The following TIMD4 variants were observed in gnomAD, a reference collection of about 807,000 sequenced individuals.
The protein encoded by TIMD4 is T cell immunoglobulin and mucin domain containing 4, also known as T-cell immunoglobulin and mucin domain-containing protein 4.
Under a neutral mutation model 41.2 loss-of-function variants are expected in TIMD4, and 31 were observed. The observed-to-expected ratio is 0.75, with a 90% CI of 0.57 to 1.01. TIMD4 has a LOEUF of 1.01. Ranked by LOEUF, TIMD4 falls within the 50% of genes least tolerant of loss-of-function variation. The pLI is 0.00. For synonymous variants in TIMD4, 204 were observed against 177.1 expected (o/e 1.15, Z -1.21); for missense variants, 479 against 472.5 (o/e 1.01, Z -0.13).
chr5:156,929,968 A>ATTAT (rs1183761800), intron 5 of TIMD4, among the ~76,000 whole-genome samples: 1 of 152,084 alleles, frequency 6.6e-6, no homozygotes, highest in Non-Finnish European at 1.5e-5. Flanking sequence ...TCCATTGAAC[A>ATTAT]TTATTTATTT....
intron 5 of TIMD4, among the ~76,000 whole-genome samples, chr5:156,937,760 G>A (rs112444428): frequency 6.6e-6 from 1 of 152,058 alleles, no homozygotes; most frequent in Admixed American, 6.6e-5. Context: ...TTGTACAGTT[G>A]GTAGACTAGA....
chr5:156,922,686 T>G (rs1455377310), intron 6 of TIMD4, among the ~76,000 whole-genome samples: 2 of 152,284 alleles, frequency 1.3e-5, no homozygotes, highest in Non-Finnish European at 2.9e-5. Flanking sequence ...TTTGCCATTT[T>G]CACTATCATT....
chr5:156,921,985 C>T, intron 7 of TIMD4, 114 bp downstream of exon 7: 1 of 746,684 alleles, frequency 1.3e-6, no homozygotes, highest in Non-Finnish European at 2.1e-6. Context: ...GGAACAATGG[C>T]AGAACTGAGC....
At chr5:156,947,683 C>T (rs111514851) in intron 5 of TIMD4, among the ~76,000 whole-genome samples, 1,658 of 152,220 alleles carry the variant, frequency 0.011, 10 homozygotes, top group African/African-American at 0.016. Flanking sequence ...CAGAATGCTG[C>T]ATATAGCATG....
chr5:156,961,271 C>T (rs767807927), intron 1 of TIMD4, among the ~76,000 whole-genome samples: 7 of 152,162 alleles, frequency 4.6e-5, no homozygotes, highest in East Asian at 1.9e-4. Context: ...AACTCTCGTA[C>T]GCTGTTGGTG....
intron 5 of TIMD4, among the ~76,000 whole-genome samples, chr5:156,938,311 C>T (rs949939919): frequency 1.3e-5 from 2 of 152,158 alleles, no homozygotes; most frequent in African/African-American, 4.8e-5. Flanking sequence ...GGGACCAGGG[C>T]TGTGGCTTCA....
At chr5:156,957,706 C>G (rs1029700974) in intron 1 of TIMD4, among the ~76,000 whole-genome samples, 24 of 151,116 alleles carry the variant, frequency 1.6e-4, no homozygotes, top group Admixed American at 1.4e-3. Context: ...CACATGCCTA[C>G]AGTCCCAGCT....
chr5:156,929,723 A>G lies in TIMD4; in HGVS notation c.845-3411T>C, dbSNP rs190540291. Among the ~76,000 whole-genome samples the G allele has an allele frequency of 2.0e-4, 30 of 152,294 alleles. No homozygotes were observed. The East Asian group carries it at 5.8e-3, about 29-fold the overall frequency. ...GACTTCTGCCCTCCAGAACTGAGAG[A>G]GAATGAAAATTTCCGTGGTTTTAAG... On this transcript the variant is annotated intron_variant, in intron 5 of 8. Transcript: ENST00000274532.
intron 5 of TIMD4, among the ~76,000 whole-genome samples, chr5:156,940,157 C>T (rs879427403): frequency 1.6e-4 from 24 of 152,356 alleles, no homozygotes; most frequent in African/African-American, 4.8e-4. Flanking sequence ...GGGGTTTCGC[C>T]CTGTTGGCCG....
chr5:156,937,330 T>C (rs1759559032), intron 5 of TIMD4, among the ~76,000 whole-genome samples: 1 of 152,188 alleles, frequency 6.6e-6, no homozygotes, highest in Non-Finnish European at 1.5e-5. Flanking sequence ...TGGTAGATCT[T>C]ACCAAAGGGC....
At chr5:156,960,126 G>C (rs6878680) in intron 1 of TIMD4, among the ~76,000 whole-genome samples, 86,683 of 151,698 alleles carry the variant, frequency 0.57, 26,352 homozygotes, top group East Asian at 0.8. Context: ...ACAAAAAACA[G>C]CTCACCAGGT....
intron 5 of TIMD4, among the ~76,000 whole-genome samples, chr5:156,946,467 C>A (rs1055018862): frequency 6.6e-6 from 1 of 152,030 alleles, no homozygotes. Context: ...TTTCCTCCAA[C>A]TCTGAGCTTT....
At chr5:156,925,316 T>A (rs1349730035) in intron 6 of TIMD4, among the ~76,000 whole-genome samples, 1 of 151,942 alleles carries the variant, frequency 6.6e-6, no homozygotes, top group Non-Finnish European at 1.5e-5. Context: ...TCAAAAAAAA[T>A]TGAGAACTGC....
At chr5:156,920,715 C>T (rs1759221965) in intron 7 of TIMD4, among the ~76,000 whole-genome samples, 3 of 152,232 alleles carry the variant, frequency 2.0e-5, no homozygotes, top group Non-Finnish European at 4.4e-5. Flanking sequence ...CCAAGTTGTT[C>T]CAACATTCTG....
intron 8 of TIMD4, 114 bp downstream of exon 8, chr5:156,920,350 A>G: frequency 3.4e-6 from 4 of 1,183,414 alleles, no homozygotes; most frequent in Non-Finnish European, 5.0e-6. Context: ...ACATCTTTCC[A>G]ACTCTATGTG....
At chr5:156,957,504 G>C (rs2862059) in intron 1 of TIMD4, among the ~76,000 whole-genome samples, 92,867 of 132,722 alleles carry the variant, frequency 0.7, 32,850 homozygotes, top group East Asian at 0.85. Context: ...CAGAGCGAGA[G>C]TCTATCTCAA....
At chr5:156,945,875 G>A (rs140090940) in intron 5 of TIMD4, among the ~76,000 whole-genome samples, 45 of 152,276 alleles carry the variant, frequency 3.0e-4, no homozygotes, top group South Asian at 1.9e-3. Context: ...ATCTGCTAAC[G>A]AGGGATTAAA....
chr5:156,944,497 T>A (rs76261495), intron 5 of TIMD4, among the ~76,000 whole-genome samples: 1 of 33,494 alleles, frequency 3.0e-5, no homozygotes, highest in Non-Finnish European at 6.7e-5. Flanking sequence ...TGTGTGATCT[T>A]TTTTTTTTTT....
chr5:156,923,954 C>A (rs1759300619), intron 6 of TIMD4, among the ~76,000 whole-genome samples: 1 of 152,088 alleles, frequency 6.6e-6, no homozygotes, highest in Non-Finnish European at 1.5e-5. Context: ...CCTCCCACCC[C>A]AGCCTCCCAA....
Sources: allele counts gnomAD v4.1 joint callset (sites outside exome capture counted in the v4.1 genomes callset), GRCh38; gene constraint gnomAD v4.1.1; transcripts MANE v1.5; gene names NCBI Gene and HGNC (gene_info 2026-07-23, HGNC 2026-07-21).